The following FAF1 variants were observed in gnomAD, a reference collection of about 807,000 sequenced individuals.
FAF1 encodes the protein FAS-associated factor 1.
Under a neutral mutation model 92.5 loss-of-function variants are expected in FAF1, and 25 were observed. That is an observed-to-expected ratio of 0.27 (90% CI 0.20 to 0.38). The LOEUF (loss-of-function observed/expected upper bound fraction) is 0.38, where lower values mean the gene tolerates loss of function less well. FAF1 is among the 10% of genes least tolerant of loss of function. The pLI is 1.00. For missense variants in FAF1, 636 were observed against 793.3 expected (o/e 0.80, Z 2.38); for synonymous variants, 234 against 273.2 (o/e 0.86, Z 1.42).
At chr1:50,940,056 AC>A in intron 1 of FAF1, among the ~76,000 whole-genome samples, 1 of 152,034 alleles carries the variant, frequency 6.6e-6, no homozygotes, top group Non-Finnish European at 1.5e-5. Context: ...GACTACAGGC[AC>A]GTACCACCAC....
intron 8 of FAF1, among the ~76,000 whole-genome samples, chr1:50,631,449 T>C (rs1653785713): frequency 1.3e-5 from 2 of 152,306 alleles, no homozygotes; most frequent in African/African-American, 4.8e-5. Flanking sequence ...TCAGATTGAC[T>C]GTCAAGGTAT....
chr1:50,504,628 T>C (rs376597715), intron 15 of FAF1, among the ~76,000 whole-genome samples: 1 of 152,154 alleles, frequency 6.6e-6, no homozygotes, highest in East Asian at 1.9e-4. Context: ...GTACCCAACA[T>C]CAATTTCAAA....
intron 1 of FAF1, among the ~76,000 whole-genome samples, chr1:50,863,981 T>G (rs1382548477): frequency 6.6e-6 from 1 of 151,996 alleles, no homozygotes. Context: ...ATTTTCTAGT[T>G]TATTTGCGTA....
intron 8 of FAF1, among the ~76,000 whole-genome samples, chr1:50,619,226 C>T (rs1380747492): frequency 1.9e-4 from 29 of 152,048 alleles, no homozygotes; most frequent in Non-Finnish European, 2.9e-5. Context: ...GGCGTTTAGC[C>T]CATTTATATT....
At chr1:50,709,034 G>A (rs558878410) in intron 6 of FAF1, among the ~76,000 whole-genome samples, 10 of 152,308 alleles carry the variant, frequency 6.6e-5, no homozygotes, top group Non-Finnish European at 1.3e-4. Context: ...CAGAAATGGC[G>A]AGTAATGGAA....
chr1:50,758,887 G>C (rs186271290), intron 4 of FAF1, among the ~76,000 whole-genome samples: 1 of 152,032 alleles, frequency 6.6e-6, no homozygotes. Context: ...CTGTTGCCCA[G>C]GCTAGAGTGC....
intron 1 of FAF1, among the ~76,000 whole-genome samples, chr1:50,862,595 G>C (rs935878744): frequency 6.6e-6 from 1 of 151,904 alleles, no homozygotes; most frequent in East Asian, 1.9e-4. Flanking sequence ...AAAAGATATA[G>C]AATGGCAGAA....
rs188883069 is a variant in FAF1 at position 50,647,490 on chromosome 1, C to A, written c.744+7952G>T. Among the ~76,000 whole-genome samples, 49 of 152,258 alleles carry A rather than the reference C, an allele frequency of 3.2e-4. 1 individual carries two copies. The East Asian group carries it at 8.5e-3, about 26-fold the overall frequency. Reference sequence around the variant, plus strand: ...TTCTGGAGGCTGCCAATTTGCGAATCATTTTTTTTTCTTGTTCAATTAAAC... The same window carrying A: ...TTCTGGAGGCTGCCAATTTGCGAATAATTTTTTTTTCTTGTTCAATTAAAC... On this transcript the variant is annotated intron_variant, in intron 8 of 18. Transcript: ENST00000396153.
chr1:50,460,291 CCTTT>C (rs1042106294), intron 18 of FAF1, among the ~76,000 whole-genome samples: 2 of 152,246 alleles, frequency 1.3e-5, no homozygotes, highest in Admixed American at 1.3e-4. Flanking sequence ...AATGCCCATT[CCTTT>C]CTTTCTGTTT....
At chr1:50,770,524 A>C (rs1660741520) in intron 4 of FAF1, among the ~76,000 whole-genome samples, 1 of 152,228 alleles carries the variant, frequency 6.6e-6, no homozygotes, top group African/African-American at 2.4e-5. Flanking sequence ...AAGGAAATGC[A>C]ATACCTAGGA....
At chr1:50,658,660 G>A (rs1655231591) in intron 7 of FAF1, among the ~76,000 whole-genome samples, 1 of 152,162 alleles carries the variant, frequency 6.6e-6, no homozygotes, top group African/African-American at 2.4e-5. Context: ...TGGCTTCATT[G>A]TTCTCCCCAG....
At position 50,535,353 on chromosome 1, in the gene FAF1, A is replaced by T; in HGVS notation, c.1494+16T>A. On this transcript the variant is annotated intron_variant, in intron 15 of 18. Transcript: ENST00000396153. ...AAATCTCATCAAAATCCTATTAAAG[A>T]TCTGCATAACCTTACCTCGTCCTTT... 13 of 1,531,630 alleles carry T rather than the reference A, an allele frequency of 8.5e-6. No individual in the cohort carries two copies. Among genetic ancestry groups the T allele is most frequent in the Non-Finnish European group, 1.2e-5 (13 of 1,107,408 alleles). The allele number at this position is 1,531,630 out of a possible 1,614,324, so 94.9% of individuals were successfully genotyped here. A position where few individuals can be genotyped will look rare whatever the true frequency, so the allele number is the denominator to read the frequency against.
At chr1:50,722,922 T>C (rs6672112) in intron 6 of FAF1, among the ~76,000 whole-genome samples, 44,887 of 152,106 alleles carry the variant, frequency 0.3, 6,948 homozygotes, top group Middle Eastern at 0.48. Flanking sequence ...AATTGGCTGA[T>C]TGATTTAGCT....
intron 6 of FAF1, among the ~76,000 whole-genome samples, chr1:50,732,176 G>A (rs1203283062): frequency 2.6e-5 from 4 of 152,022 alleles, no homozygotes; most frequent in South Asian, 2.1e-4. Context: ...CCAGGTTCAC[G>A]CCATTCTCCC....
At chr1:50,840,936 T>A (rs1329449865) in intron 2 of FAF1, among the ~76,000 whole-genome samples, 1 of 152,030 alleles carries the variant, frequency 6.6e-6, no homozygotes, top group Non-Finnish European at 1.5e-5. Context: ...ATCATATGGG[T>A]TACTGAAGTT....
At chr1:50,546,954 T>C (rs1009648025) in intron 13 of FAF1, among the ~76,000 whole-genome samples, 8 of 152,120 alleles carry the variant, frequency 5.3e-5, no homozygotes, top group African/African-American at 1.9e-4. Context: ...AGTGGTGTGA[T>C]ATTGGCTCAC....
intron 7 of FAF1, among the ~76,000 whole-genome samples, chr1:50,677,629 T>C (rs1382193842): frequency 6.6e-6 from 1 of 152,190 alleles, no homozygotes; most frequent in Non-Finnish European, 1.5e-5. Flanking sequence ...ACACGGTGGC[T>C]GACGCCTGTA....
Position 50,775,911 on chromosome 1 carries a change from AAC to A in FAF1, c.367+12087_367+12088del, listed in dbSNP as rs757401547. Among the ~76,000 whole-genome samples, 13 of 152,258 alleles carry A rather than the reference AAC, an allele frequency of 8.5e-5. No homozygotes were observed. The East Asian group carries it at 2.5e-3, about 29-fold the overall frequency. ...CACATACAAACATGCCAACAGGGAA[AAC>A]AGAGAAAGTATATAACATGATTCTC... On this transcript the variant is annotated intron_variant, in intron 4 of 18. Transcript: ENST00000396153.
chr1:50,886,333 T>C (rs1346248280), intron 1 of FAF1, among the ~76,000 whole-genome samples: 1 of 152,162 alleles, frequency 6.6e-6, no homozygotes, highest in Non-Finnish European at 1.5e-5. Flanking sequence ...GAAGGATATT[T>C]TCACTGAATA....
Sources: allele counts gnomAD v4.1 joint callset (sites outside exome capture counted in the v4.1 genomes callset), GRCh38; gene constraint gnomAD v4.1.1; transcripts MANE v1.5; gene names NCBI Gene and HGNC (gene_info 2026-07-23, HGNC 2026-07-21).